Variants in RIC1 observed in about 807,000 individuals in gnomAD.
RIC1 encodes RIC1 partner of RAB6A GEF complex, also known as guanine nucleotide exchange factor subunit RIC1.
A neutral mutation model predicts 169.0 loss-of-function variants in RIC1; 88 were observed. The ratio of observed to expected loss-of-function variants is 0.52; its 90% confidence interval spans 0.44 to 0.62. RIC1 has a LOEUF of 0.62. Among genes scored for constraint, RIC1 ranks in the 20% least tolerant of loss-of-function variants. The pLI, the probability that RIC1 is intolerant of heterozygous loss-of-function variation, is 0.00. For missense variants in RIC1, 1,877 were observed against 1,725.5 expected (o/e 1.09, Z -1.56); for synonymous variants, 790 against 601.5 (o/e 1.31, Z -4.59).
At chr9:5,697,008 C>G (rs748847617) in intron 3 of RIC1, among the ~76,000 whole-genome samples, 3 of 152,192 alleles carry the variant, frequency 2.0e-5, no homozygotes, top group Non-Finnish European at 4.4e-5. Flanking sequence ...TAGTCAGAAC[C>G]GAAATGTCTC....
chr9:5,665,357 T>G (rs1450005416), intron 2 of RIC1, among the ~76,000 whole-genome samples: 2 of 152,194 alleles, frequency 1.3e-5, no homozygotes, highest in Non-Finnish European at 2.9e-5. Flanking sequence ...TTTTGTCATG[T>G]TTCTTACTTT....
intron 6 of RIC1, among the ~76,000 whole-genome samples, chr9:5,726,131 C>A (rs1054462379): frequency 1.3e-5 from 2 of 152,170 alleles, no homozygotes; most frequent in Non-Finnish European, 2.9e-5. Context: ...TCTCTTTGAT[C>A]TGTCTAATGT....
In RIC1 at chr9:5,738,549, T is replaced by C; in HGVS notation, c.901+11T>C. On this transcript the variant is annotated intron_variant, in intron 8 of 25. Transcript: ENST00000414202. The stretch of plus-strand genomic sequence containing the variant: ...CAAAACAGTATCCTGGTGAGTCTTT[T>C]TTTTTTTTTTTTTTTTTAACATTTT... The C allele has an allele frequency of 7.2e-7, 1 of 1,388,586 alleles. No homozygotes were observed. Among genetic ancestry groups the C allele is most frequent in the Non-Finnish European group, 9.7e-7 (1 of 1,031,996 alleles). 86.0% of individuals were successfully genotyped at this position (1,388,586 alleles called of 1,614,324 possible).
chr9:5,645,345 T>G (rs1056575551), intron 1 of RIC1, among the ~76,000 whole-genome samples: 1 of 152,198 alleles, frequency 6.6e-6, no homozygotes, highest in Non-Finnish European at 1.5e-5. Context: ...AGACCATTTT[T>G]GTTTAAGTGG....
chr9:5,704,053 T>A (rs948296953), intron 3 of RIC1, among the ~76,000 whole-genome samples: 15 of 149,188 alleles, frequency 1.0e-4, no homozygotes, highest in East Asian at 3.9e-4. Flanking sequence ...TTTTTTTTTT[T>A]ATTATATTAG....
intron 3 of RIC1, among the ~76,000 whole-genome samples, chr9:5,692,527 C>G (rs1001624591): frequency 5.9e-5 from 9 of 151,906 alleles, no homozygotes; most frequent in African/African-American, 1.7e-4. Flanking sequence ...AGTCTAACTT[C>G]TAGTAACTGC....
chr9:5,659,528 G>C (rs1318897289), intron 2 of RIC1, among the ~76,000 whole-genome samples: 2 of 152,130 alleles, frequency 1.3e-5, no homozygotes, highest in African/African-American at 4.8e-5. Flanking sequence ...GATGCTATAT[G>C]ACTGTTTGAA....
At chr9:5,736,875 A>G (rs997051157) in intron 7 of RIC1, among the ~76,000 whole-genome samples, 2 of 152,108 alleles carry the variant, frequency 1.3e-5, no homozygotes, top group African/African-American at 4.8e-5. Flanking sequence ...GGAGGCTACT[A>G]TTGCAGGTCT....
At chr9:5,704,954 C>G (rs1184954996) in intron 3 of RIC1, among the ~76,000 whole-genome samples, 1 of 152,110 alleles carries the variant, frequency 6.6e-6, no homozygotes, top group Non-Finnish European at 1.5e-5. Context: ...GCACCTTTGC[C>G]AATAATCAAT....
chr9:5,734,041 T>C (rs1415297237), intron 7 of RIC1, among the ~76,000 whole-genome samples: 2 of 146,708 alleles, frequency 1.4e-5, no homozygotes, highest in African/African-American at 2.5e-5. Context: ...GTATATATTT[T>C]AGATATATAT....
rs147809075 is a variant in RIC1, at chr9:5,694,525, A to G, written c.332+4487A>G. 9.2e-4 allele frequency among the ~76,000 whole-genome samples: 140 copies of G among 152,314 alleles called. 1 individual carries two copies. Among genetic ancestry groups the G allele is most frequent in the Middle Eastern group, 3.4e-3 (1 of 294 alleles). On this transcript the variant is annotated intron_variant, in intron 3 of 25. Coordinates refer to ENST00000414202, the MANE Select transcript of RIC1 (RefSeq NM_020829.4). ...TATATTCTGTAAATGTACATGGGTG[A>G]CCTTTTACTACTGAACTTTGCATAT...
rs1262566279 is a variant in RIC1, at chr9:5,776,159, T to TAG, written c.*1913_*1914insAG. 7 of 152,222 alleles carry TAG rather than the reference T, an allele frequency of 4.6e-5. No individual in the cohort carries two copies. The highest frequency in any genetic ancestry group is 1.7e-4 in the African/African-American group (7 of 41,478). 9.4% of individuals were successfully genotyped at this position (152,222 alleles called of 1,614,324 possible). A position where few individuals can be genotyped will look rare whatever the true frequency, so the allele number is the denominator to read the frequency against. On this transcript the variant is annotated 3_prime_UTR_variant, in exon 26 of 26. Coordinates refer to ENST00000414202, the MANE Select transcript of RIC1 (RefSeq NM_020829.4). ...AGGGCACCAGTATAAGTTAACTGTA[T>TAG]TCCTGTGGGTTAGGCCGTGAATGAA...
chr9:5,656,952 T>G (rs1261031866), intron 2 of RIC1, among the ~76,000 whole-genome samples: 4 of 152,200 alleles, frequency 2.6e-5, no homozygotes, highest in African/African-American at 9.6e-5. Flanking sequence ...CTCACTTTAC[T>G]GTTTTGCCCT....
chr9:5,773,563 A>C (rs1002437116), intron 25 of RIC1, among the ~76,000 whole-genome samples: 2 of 152,202 alleles, frequency 1.3e-5, no homozygotes, highest in African/African-American at 4.8e-5. Flanking sequence ...TAATGTGTGT[A>C]TTTGGAGCTA....
In RIC1 at chr9:5,769,158, T is replaced by C; in HGVS notation, c.3326T>C (p.Ile1109Thr). Reference protein sequence around the residue: ...TRAARVDNFVIALKRLHKDFL... With the variant: ...TRAARVDNFVTALKRLHKDFL... The stretch of plus-strand genomic sequence containing the variant: ...GCCGCCCGGGTAGACAACTTTGTAA[T>C]AGCCCTGAAGAGACTCCACAAAGAT... Residue 1109 changes from isoleucine to threonine, a missense_variant, in exon 22 of 26, where the codon ATA becomes ACA. Around this residue, in one of 3 missense-constraint regions of RIC1, gnomAD observed 681 missense variants for 582.0 expected, o/e 1.17. Transcript: ENST00000414202. The C allele has an allele frequency of 6.2e-7, 1 of 1,614,126 alleles. No homozygotes were observed.
At chr9:5,736,842 A>G (rs1414563308) in intron 7 of RIC1, among the ~76,000 whole-genome samples, 4 of 152,198 alleles carry the variant, frequency 2.6e-5, no homozygotes, top group Non-Finnish European at 5.9e-5. Flanking sequence ...ACAGAGTATC[A>G]GTAAGCTGTG....
intron 3 of RIC1, among the ~76,000 whole-genome samples, chr9:5,691,674 T>C: frequency 6.6e-6 from 1 of 152,010 alleles, no homozygotes; most frequent in African/African-American, 2.4e-5. Context: ...GAAGAACTGT[T>C]GTAATCAATG....
intron 2 of RIC1, among the ~76,000 whole-genome samples, chr9:5,659,957 C>A (rs562135320): frequency 4.6e-5 from 7 of 152,002 alleles, no homozygotes; most frequent in Non-Finnish European, 1.0e-4. Flanking sequence ...GTATTAAGCC[C>A]AGCATCCATT....
At chr9:5,664,470 TGA>T (rs1248139608) in intron 2 of RIC1, among the ~76,000 whole-genome samples, 1 of 152,138 alleles carries the variant, frequency 6.6e-6, no homozygotes, top group African/African-American at 2.4e-5. Flanking sequence ...GGGTTTTCAC[TGA>T]GAGGTCTATT....
Sources: gnomAD v4.1 joint callset for allele counts (sites outside exome capture counted in the v4.1 genomes callset) on GRCh38, gnomAD v4.1.1 for gene constraint, gnomAD v4.1.1 regional missense constraint, MANE v1.5 for transcripts, NCBI Gene and HGNC (gene_info 2026-07-23, HGNC 2026-07-21) for gene names.